The following FOCAD variants were observed in gnomAD, a reference collection of about 807,000 sequenced individuals.
The protein encoded by FOCAD is focadhesin, also known as KIAA1797.
Under a neutral mutation model 225.6 loss-of-function variants are expected in FOCAD, and 198 were observed. The observed-to-expected ratio is 0.88, with a 90% CI of 0.78 to 0.99. The LOEUF (loss-of-function observed/expected upper bound fraction) is 0.99, where lower values mean the gene tolerates loss of function less well. Ranked by LOEUF, FOCAD falls within the 50% of genes least tolerant of loss-of-function variation. The pLI, the probability that FOCAD is intolerant of heterozygous loss-of-function variation, is 0.00. For missense variants in FOCAD, 2,713 were observed against 2,123.6 expected (o/e 1.28, Z -5.46); for synonymous variants, 897 against 755.0 (o/e 1.19, Z -3.08).
intron 8 of FOCAD, 47 bp downstream of exon 8, chr9:20,770,285 A>G (rs191090575): frequency 1.3e-5 from 20 of 1,502,328 alleles, no homozygotes; most frequent in Non-Finnish European, 1.7e-5. Flanking sequence ...CTATTAAGAA[A>G]TACCTGAGAC....
At chr9:20,969,640 T>G (rs2132529419) in intron 35 of FOCAD, among the ~76,000 whole-genome samples, 1 of 151,894 alleles carries the variant, frequency 6.6e-6, no homozygotes, top group African/African-American at 2.4e-5. Context: ...TTTATAATCA[T>G]TGTTTTATGC....
At chr9:20,789,629 A>G in intron 11 of FOCAD, 21 bp downstream of exon 11, 2 of 1,611,810 alleles carry the variant, frequency 1.2e-6, no homozygotes, top group South Asian at 1.1e-5. Context: ...AGAATAATGG[A>G]ACAATAATGA....
intron 1 of FOCAD, among the ~76,000 whole-genome samples, chr9:20,685,196 A>ATTTTTTTTTTTT (rs397959541): frequency 2.7e-4 from 38 of 143,048 alleles, no homozygotes; most frequent in African/African-American, 9.0e-4. Context: ...TGAGTTGGAA[A>ATTTTTTTTTTTT]TTTTTTTTTT....
chr9:20,666,075 A>G (rs765610810), intron 2 of FOCAD, among the ~76,000 whole-genome samples: 36 of 152,120 alleles, frequency 2.4e-4, no homozygotes, highest in Middle Eastern at 3.4e-3. Flanking sequence ...TTGTATCTCT[A>G]TCTCTGGTTG....
intron 11 of FOCAD, among the ~76,000 whole-genome samples, chr9:20,818,544 G>A (rs760331668): frequency 6.6e-6 from 1 of 151,976 alleles, no homozygotes. Flanking sequence ...TTTACATGTT[G>A]TATGAGAAAG....
intron 5 of FOCAD, among the ~76,000 whole-genome samples, chr9:20,741,659 C>A (rs1389780037): frequency 2.9e-5 from 4 of 139,550 alleles, no homozygotes; most frequent in Non-Finnish European, 6.1e-5. Flanking sequence ...GTAAAGCTTT[C>A]CAAATCGGTA....
intron 33 of FOCAD, 139 bp from the exon 34 acceptor site, chr9:20,950,857 A>T (rs146076089): frequency 1.6e-4 from 112 of 682,436 alleles, no homozygotes; most frequent in Non-Finnish European, 2.6e-4. Context: ...GACACATGAT[A>T]TTACATCTTG....
At chr9:20,671,444 C>T (rs1587188613) in intron 2 of FOCAD, among the ~76,000 whole-genome samples, 1 of 152,156 alleles carries the variant, frequency 6.6e-6, no homozygotes, top group South Asian at 2.1e-4. Flanking sequence ...CCAGAACAAG[C>T]TTTCTCTAAG....
chr9:20,824,430 G>A lies in FOCAD; in HGVS notation c.1920+1315G>A, dbSNP rs57898324. On this transcript the variant is annotated intron_variant, in intron 15 of 43. Transcript: ENST00000338382. ...TTAACATTTTTTCTTATAATAAATA[G>A]TAATTTAGCCTTATTGCTTTTATGA... Among the ~76,000 whole-genome samples the A allele has an allele frequency of 3.3e-3, 495 of 152,056 alleles. 8 individuals are homozygous for A. Among genetic ancestry groups the A allele is most frequent in the African/African-American group, 0.011 (471 of 41,508 alleles).
rs7048637 is a variant in FOCAD, at chr9:20,896,714, C to T, written c.2626-10436C>T. Among the ~76,000 whole-genome samples the T allele has an allele frequency of 9.0e-3, 1,368 of 151,812 alleles. 23 individuals are homozygous for T. Among genetic ancestry groups the T allele is most frequent in the African/African-American group, 0.031 (1,297 of 41,444 alleles). On this transcript the variant is annotated intron_variant, in intron 21 of 43. Transcript: ENST00000338382. Reference sequence around the variant, plus strand: ...GGCCAGAGAGTCTGTAGTGATATCCCGTCTTTCACTGCTGATGTTAATTTC... The same window carrying T: ...GGCCAGAGAGTCTGTAGTGATATCCTGTCTTTCACTGCTGATGTTAATTTC...
chr9:20,920,052 C>A (rs1202845381), intron 24 of FOCAD, among the ~76,000 whole-genome samples: 6 of 152,234 alleles, frequency 3.9e-5, no homozygotes, highest in Non-Finnish European at 5.9e-5. Context: ...AAAATTTTCT[C>A]AACCTACTCA....
chr9:20,949,188 C>T (rs929062745), intron 32 of FOCAD, among the ~76,000 whole-genome samples: 19 of 152,068 alleles, frequency 1.2e-4, no homozygotes, highest in Non-Finnish European at 2.4e-4. Context: ...ATTTCCCTGC[C>T]TGAGAAAAGA....
chr9:20,994,643 A>G (rs1350316145), intron 43 of FOCAD, among the ~76,000 whole-genome samples: 1 of 152,200 alleles, frequency 6.6e-6, no homozygotes, highest in African/African-American at 2.4e-5. Context: ...TTCACTGAAA[A>G]TCAGGGCTGT....
upstream of FOCAD, among the ~76,000 whole-genome samples, chr9:20,656,371 G>A (rs1415993816): frequency 1.3e-5 from 2 of 151,894 alleles, no homozygotes; most frequent in Admixed American, 6.6e-5. Context: ...AATGTTGACA[G>A]TGGGGTGTTA....
chr9:20,757,744 C>G (rs571164143), intron 5 of FOCAD, among the ~76,000 whole-genome samples: 8 of 152,146 alleles, frequency 5.3e-5, no homozygotes, highest in East Asian at 3.9e-4. Flanking sequence ...CTTGTAACCT[C>G]TAGGAATGAA....
intron 35 of FOCAD, among the ~76,000 whole-genome samples, chr9:20,955,904 A>G (rs1838094013): frequency 6.6e-6 from 1 of 150,812 alleles, no homozygotes; most frequent in African/African-American, 2.4e-5. Flanking sequence ...TAATGCTAAT[A>G]TTAGATATTT....
intron 1 of FOCAD, among the ~76,000 whole-genome samples, chr9:20,687,521 T>C (rs1166369666): frequency 1.3e-5 from 2 of 152,236 alleles, no homozygotes; most frequent in Non-Finnish European, 2.9e-5. Context: ...AGTTCTACTC[T>C]ATTTCCCAAT....
At chr9:20,818,950 A>G (rs1235158349) in intron 11 of FOCAD, among the ~76,000 whole-genome samples, 1 of 152,166 alleles carries the variant, frequency 6.6e-6, no homozygotes, top group African/African-American at 2.4e-5. Flanking sequence ...TTCAAGATCA[A>G]TTTGGGAAAT....
Position 20,704,396 on chromosome 9 carries a change from G to A in FOCAD, c.-32-10926G>A, listed in dbSNP as rs751579023. Among the ~76,000 whole-genome samples the A allele has an allele frequency of 5.7e-4, 87 of 152,120 alleles. 1 individual carries two copies. Among genetic ancestry groups the A allele is most frequent in the Non-Finnish European group, 3.1e-4 (21 of 68,030 alleles). On this transcript the variant is annotated intron_variant, in intron 1 of 43. Transcript: ENST00000338382. The stretch of plus-strand genomic sequence containing the variant: ...ATCTATTCCATTCTACATGAATTTA[G>A]TAATTTAGTTTTTATGAAAAATACC...
Sources: gnomAD v4.1 joint callset for allele counts (sites outside exome capture counted in the v4.1 genomes callset) on GRCh38, gnomAD v4.1.1 for gene constraint, MANE v1.5 for transcripts, NCBI Gene and HGNC (gene_info 2026-07-23, HGNC 2026-07-21) for gene names.